The following GNA12 variants were observed in gnomAD, a reference collection of about 807,000 sequenced individuals.
GNA12 encodes guanine nucleotide-binding protein subunit alpha-12.
In GNA12, 9 loss-of-function variants were observed where a neutral mutation model predicts 26.0. That is an observed-to-expected ratio of 0.35 (90% CI 0.21 to 0.60). The LOEUF (loss-of-function observed/expected upper bound fraction) is 0.60. Among genes scored for constraint, GNA12 ranks in the 20% least tolerant of loss-of-function variants. GNA12 has a pLI of 0.78. For synonymous variants in GNA12, 264 were observed against 219.6 expected, an observed-to-expected ratio of 1.20 and a Z score of -1.79; for missense variants, 405 against 525.8, an observed-to-expected ratio of 0.77 and a Z score of 2.25.
intron 3 of GNA12, 116 bp downstream of exon 3, chr7:2,733,335 A>C: frequency 1.2e-6 from 1 of 807,098 alleles, no homozygotes; most frequent in South Asian, 1.5e-5. Context: ...GTAATGTGAC[A>C]GAACAAGCTC....
chr7:2,828,805 C>T (rs1414771802), intron 1 of GNA12, among the ~76,000 whole-genome samples: 1 of 152,148 alleles, frequency 6.6e-6, no homozygotes, highest in African/African-American at 2.4e-5. Context: ...CCTGTAATCC[C>T]AGCATTTTGG....
chr7:2,832,350 C>G (rs1303636078), intron 1 of GNA12, among the ~76,000 whole-genome samples: 4 of 152,192 alleles, frequency 2.6e-5, no homozygotes, highest in African/African-American at 9.7e-5. Flanking sequence ...GAGCACAAAG[C>G]CTAGCTCTGA....
chr7:2,823,634 C>A (rs1006713420), intron 1 of GNA12, among the ~76,000 whole-genome samples: 1 of 151,966 alleles, frequency 6.6e-6, no homozygotes, highest in East Asian at 1.9e-4. Context: ...AGCTGGAATA[C>A]AGGAAAAATA....
intron 1 of GNA12, among the ~76,000 whole-genome samples, chr7:2,842,049 A>G (rs2114984773): frequency 1.1e-5 from 1 of 92,022 alleles, no homozygotes; most frequent in African/African-American, 4.2e-5. Context: ...AGAAAAAAGG[A>G]AGGAAGGTAG....
At chr7:2,765,926 G>A (rs1791789041) in intron 2 of GNA12, among the ~76,000 whole-genome samples, 1 of 150,306 alleles carries the variant, frequency 6.7e-6, no homozygotes, top group Non-Finnish European at 1.5e-5. Context: ...ACAGGCGCGA[G>A]CCACTGCGCC....
In GNA12 at chr7:2,730,304, G is replaced by A. The variant is rs559723243; in HGVS notation, c.*877C>T. On this transcript the variant is annotated 3_prime_UTR_variant, in exon 4 of 4. Transcript: ENST00000275364. ...GGAGAGCCGTCTGCAAGGGGACCTG[G>A]TTTCTGTGTCTTTGCCGTTGGGTTG... 1 of 152,690 alleles carries A rather than the reference G, an allele frequency of 6.5e-6. No individual in the cohort carries two copies. Among genetic ancestry groups the A allele is most frequent in the South Asian group, 2.1e-4 (1 of 4,824 alleles). 9.5% of individuals were successfully genotyped at this position (152,690 alleles called of 1,614,324 possible).
At chr7:2,757,341 A>T (rs1562409790) in intron 2 of GNA12, among the ~76,000 whole-genome samples, 1 of 152,072 alleles carries the variant, frequency 6.6e-6, no homozygotes. Context: ...TCGCCATGTC[A>T]GGTGGGCCTT....
intron 2 of GNA12, among the ~76,000 whole-genome samples, chr7:2,793,096 A>C (rs1792561518): frequency 6.6e-6 from 1 of 152,190 alleles, no homozygotes; most frequent in Admixed American, 6.5e-5. Context: ...CCTCATCCTG[A>C]TGACGAGAAA....
Position 2,843,856 on chromosome 7 carries a change from G to A in GNA12, c.306C>T (p.Leu102=). Residue 102 remains leucine (L), a synonymous_variant, in exon 1 of 4, where the codon CTC becomes CTT. Transcript: ENST00000275364. ...EFRDTIFDNI[L]KGSRVLVDAR... ...CTGGGCGGGGGGCGCGCGTCACCTT[G>A]AGGATGTTGTCGAAGATGGTGTCGC... 1 of 1,521,308 alleles carries A rather than the reference G, an allele frequency of 6.6e-7. No individual in the cohort carries two copies. Among genetic ancestry groups the A allele is most frequent in the Non-Finnish European group, 8.9e-7 (1 of 1,129,904 alleles). The allele number at this position is 1,521,308 out of a possible 1,614,324, so 94.2% of individuals were successfully genotyped here.
intron 1 of GNA12, among the ~76,000 whole-genome samples, chr7:2,833,562 T>C (rs1257194883): frequency 3.3e-5 from 5 of 152,198 alleles, no homozygotes; most frequent in Non-Finnish European, 1.5e-5. Flanking sequence ...ACTCATGTGT[T>C]CTGAATCCCC....
chr7:2,765,354 A>T (rs1054003055), intron 2 of GNA12, among the ~76,000 whole-genome samples: 66 of 152,112 alleles, frequency 4.3e-4, no homozygotes, highest in African/African-American at 1.5e-3. Flanking sequence ...TTCATTTAGT[A>T]GAGATGGTGT....
At chr7:2,740,277 A>G (rs1252543648) in intron 2 of GNA12, among the ~76,000 whole-genome samples, 1 of 152,144 alleles carries the variant, frequency 6.6e-6, no homozygotes, top group Non-Finnish European at 1.5e-5. Context: ...TGGAAGCCCT[A>G]CCTGCAGTGT....
chr7:2,754,756 G>C (rs894872051), intron 2 of GNA12, among the ~76,000 whole-genome samples: 1 of 152,056 alleles, frequency 6.6e-6, no homozygotes, highest in Non-Finnish European at 1.5e-5. Context: ...CTCAAAAGGA[G>C]GACTTTTGCA....
chr7:2,830,953 G>GA (rs3831679), intron 1 of GNA12, among the ~76,000 whole-genome samples: 1,737 of 148,788 alleles, frequency 0.012, 17 homozygotes, highest in Middle Eastern at 0.071. Context: ...AAAAATTAAT[G>GA]AAAAAAAAAC....
chr7:2,813,840 A>G (rs894441500), intron 1 of GNA12, among the ~76,000 whole-genome samples: 4 of 152,108 alleles, frequency 2.6e-5, no homozygotes, highest in Non-Finnish European at 5.9e-5. Flanking sequence ...CTGATGCAAC[A>G]CCGTTCCTGG....
At chr7:2,743,175 G>T (rs1159223130) in intron 2 of GNA12, among the ~76,000 whole-genome samples, 1 of 152,186 alleles carries the variant, frequency 6.6e-6, no homozygotes, top group Non-Finnish European at 1.5e-5. Context: ...GCTGGCCCCT[G>T]AACCGTATAT....
intron 2 of GNA12, among the ~76,000 whole-genome samples, chr7:2,749,672 TA>T (rs963682737): frequency 2.5e-4 from 38 of 149,838 alleles, no homozygotes; most frequent in African/African-American, 7.1e-4. Context: ...AATAATAAAA[TA>T]AAAAAAAAGA....
chr7:2,780,048 G>GTATATATATATATATATATATATATA (rs1554259618), intron 2 of GNA12, among the ~76,000 whole-genome samples: 2 of 84,734 alleles, frequency 2.4e-5, no homozygotes, highest in African/African-American at 1.1e-4. Context: ...ACATTTCTGT[G>GTATATATATATATATATATATATATA]TACATATATA....
In GNA12 at chr7:2,831,464, C is replaced by G. The variant is rs534738639; in HGVS notation, c.309+12389G>C. ...TGTCGCCCAGGCTGGAGTGCAGTGG[C>G]GCGATCTCTGCTCACTGCAAACTAC... On this transcript the variant is annotated intron_variant, in intron 1 of 3. Transcript: ENST00000275364. Among the ~76,000 whole-genome samples the G allele has an allele frequency of 3.4e-4, 48 of 141,362 alleles. No homozygotes were observed. In the East Asian group the frequency reaches 8.4e-3, roughly 25 times the overall value. The allele number at this position is 141,362 out of a possible 152,430, so 92.7% of individuals were successfully genotyped here.
Sources: gnomAD v4.1 joint callset for allele counts (sites outside exome capture counted in the v4.1 genomes callset) on GRCh38, gnomAD v4.1.1 for gene constraint, MANE v1.5 for transcripts, NCBI Gene and HGNC (gene_info 2026-07-23, HGNC 2026-07-21) for gene names.